STXBP5L: variants seen among roughly 807,000 people sequenced by gnomAD.
STXBP5L encodes the protein syntaxin-binding protein 5-like.
A neutral mutation model predicts 144.5 loss-of-function variants in STXBP5L; 65 were observed. The ratio of observed to expected loss-of-function variants is 0.45; its 90% CI spans 0.37 to 0.55. STXBP5L has a LOEUF of 0.55. STXBP5L is among the 20% of genes least tolerant of loss of function. STXBP5L has a pLI of 0.00. For missense variants in STXBP5L, 1,298 were observed against 1,405.5 expected (o/e 0.92, Z 1.22); for synonymous variants, 505 against 469.6 (o/e 1.08, Z -0.97).
chr3:121,239,274 T>C (rs1010287603), intron 13 of STXBP5L, among the ~76,000 whole-genome samples, 156 bp downstream of exon 13: 1 of 151,702 alleles, frequency 6.6e-6, no homozygotes, highest in Admixed American at 6.6e-5. Context: ...ACTTCTTAAA[T>C]TCAAATTTTC....
intron 2 of STXBP5L, among the ~76,000 whole-genome samples, chr3:120,926,356 C>T (rs1343545377): frequency 3.0e-4 from 42 of 139,700 alleles, no homozygotes; most frequent in South Asian, 4.5e-4. Context: ...GATGGCAGTT[C>T]TTTTTTTTTT....
chr3:121,171,223 G>A (rs1208189605), intron 9 of STXBP5L, among the ~76,000 whole-genome samples: 2 of 152,126 alleles, frequency 1.3e-5, no homozygotes, highest in African/African-American at 2.4e-5. Flanking sequence ...AATAATAAGA[G>A]CTATTTATAA....
In STXBP5L at chr3:121,419,232, TAA is replaced by T. The variant is rs2047309343; in HGVS notation, c.*138_*139del. The T allele has an allele frequency of 2.3e-6, 2 of 888,822 alleles. No homozygotes were observed. The highest frequency in any genetic ancestry group is 1.9e-5 in the South Asian group (1 of 52,238). 55.1% of individuals were successfully genotyped at this position (888,822 alleles called of 1,614,324 possible). Reference sequence around the variant, plus strand: ...ATTTACAGTCAATCTGAAATTTTCATAAAAGAGATGTATCAGAGACACTGTGC... The same window carrying T: ...ATTTACAGTCAATCTGAAATTTTCATAAGAGATGTATCAGAGACACTGTGC... On this transcript the variant is annotated 3_prime_UTR_variant, in exon 27 of 27. Coordinates refer to ENST00000471454, the MANE Select transcript of STXBP5L (RefSeq NM_001308330.2).
At chr3:121,261,994 G>A (rs978671221) in intron 18 of STXBP5L, among the ~76,000 whole-genome samples, 2 of 152,168 alleles carry the variant, frequency 1.3e-5, no homozygotes, top group Admixed American at 6.5e-5. Flanking sequence ...TTTGCTCTCT[G>A]CTTCAAATAT....
chr3:121,142,438 G>C (rs1353155673), intron 7 of STXBP5L, among the ~76,000 whole-genome samples: 1 of 151,814 alleles, frequency 6.6e-6, no homozygotes, highest in East Asian at 1.9e-4. Flanking sequence ...CCACCCAACA[G>C]CAGCAAGATA....
intron 9 of STXBP5L, among the ~76,000 whole-genome samples, chr3:121,176,821 G>A (rs2046957032): frequency 6.6e-6 from 1 of 151,590 alleles, no homozygotes; most frequent in Non-Finnish European, 1.5e-5. Context: ...AAAAAAAGCA[G>A]AGCAGAAAGT....
intron 5 of STXBP5L, among the ~76,000 whole-genome samples, chr3:121,086,714 C>T (rs560373824): frequency 5.5e-4 from 84 of 152,142 alleles, no homozygotes; most frequent in Middle Eastern, 3.4e-3. Context: ...TTCCAATGAG[C>T]ATTTCCTTTG....
chr3:121,045,422 CT>C lies in STXBP5L; in HGVS notation c.370-8del. ...GTAAATCACACACTTACTTTATCTT[CT>C]TTTTGTTCTAGGGTGCCTTGGTCAG... On this transcript the variant is annotated splice_polypyrimidine_tract_variant and intron_variant, in intron 4 of 26. Coordinates refer to ENST00000471454, the MANE Select transcript of STXBP5L (RefSeq NM_001308330.2). The C allele has an allele frequency of 6.3e-7, 1 of 1,592,070 alleles. No individual in the cohort carries two copies.
chr3:120,921,710 C>G (rs940583631), intron 2 of STXBP5L, among the ~76,000 whole-genome samples: 1 of 151,840 alleles, frequency 6.6e-6, no homozygotes, highest in African/African-American at 2.4e-5. Context: ...TTCCCAGCAC[C>G]ATTTGTTGAA....
intron 5 of STXBP5L, among the ~76,000 whole-genome samples, chr3:121,063,956 C>A (rs6799012): frequency 0.099 from 15,091 of 152,118 alleles, 1,179 homozygotes; most frequent in Admixed American, 0.2. Flanking sequence ...CTGAGCTAGA[C>A]CACTTGGATC....
intron 19 of STXBP5L, among the ~76,000 whole-genome samples, chr3:121,304,753 GA>G (rs1298904347): frequency 6.6e-6 from 1 of 151,976 alleles, no homozygotes; most frequent in Non-Finnish European, 1.5e-5. Context: ...TGTTATGTTA[GA>G]TTTTTTTTTA....
At chr3:121,225,864 G>A (rs572724832) in intron 11 of STXBP5L, among the ~76,000 whole-genome samples, 7 of 152,262 alleles carry the variant, frequency 4.6e-5, no homozygotes, top group East Asian at 3.9e-4. Flanking sequence ...TGAGTTCCTC[G>A]TGCATTATGA....
At chr3:121,007,783 A>T (rs1944456336) in intron 3 of STXBP5L, among the ~76,000 whole-genome samples, 1 of 152,012 alleles carries the variant, frequency 6.6e-6, no homozygotes, top group Admixed American at 6.6e-5. Context: ...GCCTGCATAG[A>T]AATTGTAATG....
intron 5 of STXBP5L, among the ~76,000 whole-genome samples, chr3:121,110,533 T>C (rs541256341): frequency 6.6e-6 from 1 of 152,326 alleles, no homozygotes; most frequent in South Asian, 2.1e-4. Flanking sequence ...ATTCTTTGCT[T>C]TAAAATTGTT....
intron 19 of STXBP5L, among the ~76,000 whole-genome samples, chr3:121,284,106 G>T (rs13076516): frequency 8.7e-4 from 132 of 152,090 alleles, no homozygotes; most frequent in Non-Finnish European, 1.7e-3. Context: ...TATAATATCA[G>T]CCATGATGTA....
chr3:120,971,095 A>G (rs1940191280), intron 3 of STXBP5L, among the ~76,000 whole-genome samples: 1 of 152,042 alleles, frequency 6.6e-6, no homozygotes, highest in Non-Finnish European at 1.5e-5. Context: ...CATTTTAGTT[A>G]TTTCTCTGTA....
At chr3:121,115,090 G>A in intron 6 of STXBP5L, 31 bp downstream of exon 6, 2 of 1,587,366 alleles carry the variant, frequency 1.3e-6, no homozygotes, top group Non-Finnish European at 1.7e-6. Context: ...CACTTTATTG[G>A]CTTAAATACT....
intron 5 of STXBP5L, among the ~76,000 whole-genome samples, chr3:121,048,530 G>A (rs1947686900): frequency 6.6e-6 from 1 of 152,012 alleles, no homozygotes; most frequent in Non-Finnish European, 1.5e-5. Context: ...TTTTTTGAGT[G>A]TTTTGTTCAT....
At chr3:121,297,692 T>C (rs2051715120) in intron 19 of STXBP5L, among the ~76,000 whole-genome samples, 1 of 152,104 alleles carries the variant, frequency 6.6e-6, no homozygotes, top group Non-Finnish European at 1.5e-5. Context: ...AGGTGGAAGT[T>C]GCAGTGAGCC....
Sources: allele counts gnomAD v4.1 joint callset (sites outside exome capture counted in the v4.1 genomes callset), GRCh38; gene constraint gnomAD v4.1.1; transcripts MANE v1.5; gene names NCBI Gene and HGNC (gene_info 2026-07-23, HGNC 2026-07-21).